ANPEP: variants seen among roughly 807,000 people sequenced by gnomAD.
ANPEP encodes the protein alanyl aminopeptidase, membrane, also known as aminopeptidase N.
Under a neutral mutation model 114.6 loss-of-function variants are expected in ANPEP, and 70 were observed. The observed-to-expected ratio is 0.61, with a 90% CI of 0.50 to 0.75. ANPEP has a LOEUF of 0.75. ANPEP is among the 30% of genes least tolerant of loss of function. The pLI is 0.00. For missense variants in ANPEP, 1,184 were observed against 1,259.5 expected (o/e 0.94, Z 0.91); for synonymous variants, 548 against 522.3 (o/e 1.05, Z -0.67).
intron 14 of ANPEP, among the ~76,000 whole-genome samples, chr15:89,798,574 T>C (rs1968772925): frequency 6.7e-6 from 1 of 148,410 alleles, no homozygotes; most frequent in Non-Finnish European, 1.5e-5. Context: ...GAGGCAGAGG[T>C]CGTAGTGAGC....
At position 89,793,136 on chromosome 15, in the gene ANPEP, A is replaced by G. The variant is rs781259156; in HGVS notation, c.2158-10T>C. ...GCTTCTTCAGGTAGTTCTGGGGAAAAGAAAATATGAATCTCATCAAAGACT... is the reference window on the plus strand; with the variant it reads ...GCTTCTTCAGGTAGTTCTGGGGAAAGGAAAATATGAATCTCATCAAAGACT... On this transcript the variant is annotated splice_polypyrimidine_tract_variant and intron_variant, in intron 15 of 20. Coordinates refer to ENST00000300060, the MANE Select transcript of ANPEP (RefSeq NM_001150.3). 6.2e-7 allele frequency: 1 copy of G among 1,609,410 alleles called. No individual in the cohort carries two copies. Among genetic ancestry groups the G allele is most frequent in the Non-Finnish European group, 8.5e-7 (1 of 1,175,820 alleles).
At position 89,785,207 on chromosome 15, in the gene ANPEP, A is replaced by G; in HGVS notation, c.*142T>C. 1 of 1,133,180 alleles carries G rather than the reference A, an allele frequency of 8.8e-7. No homozygotes were observed. Among genetic ancestry groups the G allele is most frequent in the South Asian group, 1.5e-5 (1 of 66,796 alleles). 70.2% of individuals were successfully genotyped at this position (1,133,180 alleles called of 1,614,324 possible). On this transcript the variant is annotated 3_prime_UTR_variant, in exon 21 of 21. Coordinates refer to ENST00000300060, the MANE Select transcript of ANPEP (RefSeq NM_001150.3). ...AGGAACTAGACTGGCTCACAGGCAG[A>G]GAGAACGTGGGCTGGAGACTTTGTC...
At chr15:89,795,452 G>A (rs1968710484) in intron 15 of ANPEP, among the ~76,000 whole-genome samples, 1 of 152,156 alleles carries the variant, frequency 6.6e-6, no homozygotes, top group African/African-American at 2.4e-5. Flanking sequence ...GTGAATGCCA[G>A]TCCTGATTGG....
rs754258471 is a variant in ANPEP at position 89,801,143 on chromosome 15, T to C, written c.1787A>G (p.Gln596Arg). ...ATCTATCAGCCAGTAGTCCTGCTGC[T>C]GTCTGCCATCTCTGATGGATGTGAT... ...VPITSIRDGR[Q>R]QQDYWLIDVR... Residue 596 changes from glutamine to arginine, a missense_variant, in exon 12 of 21, where the codon CAG becomes CGG. Coordinates refer to ENST00000300060, the MANE Select transcript of ANPEP (RefSeq NM_001150.3). 2 of 1,614,192 alleles carry C rather than the reference T, an allele frequency of 1.2e-6. No homozygotes were observed. The highest frequency in any genetic ancestry group is 2.2e-5 in the South Asian group (2 of 91,084).
chr15:89,792,121 G>A (rs1182978801), intron 18 of ANPEP, 39 bp downstream of exon 18: 7 of 1,590,000 alleles, frequency 4.4e-6, no homozygotes, highest in Non-Finnish European at 6.0e-6. Flanking sequence ...TCCAGGTGGG[G>A]AGAGGGCTCT....
intron 15 of ANPEP, chr15:89,797,327 G>A (rs879807063): frequency 3.0e-5 from 13 of 428,198 alleles, no homozygotes; most frequent in Admixed American, 4.3e-5. Context: ...TTTGCCCCAC[G>A]CAGCCTCCTC....
At chr15:89,811,649 TAA>T (rs754725578) in intron 1 of ANPEP, among the ~76,000 whole-genome samples, 74 of 100,382 alleles carry the variant, frequency 7.4e-4, no homozygotes, top group Middle Eastern at 5.5e-3. Flanking sequence ...CCATCTCAAG[TAA>T]AAAAAAAAAA....
chr15:89,797,657 T>A lies in ANPEP; in HGVS notation c.2075A>T (p.Tyr692Phe). ...NTLFLIEERQ[Y>F]MPWEAALSSL... is the part of the protein sequence containing the mutation. Reference sequence around the variant, plus strand: ...GCTCAGGGCGGCCTCCCAGGGCATGTACTGTCTCTCTTCAATCAGGAAGAG... The same window carrying A: ...GCTCAGGGCGGCCTCCCAGGGCATGAACTGTCTCTCTTCAATCAGGAAGAG... The change falls in exon 15 of 21, where the codon TAC (tyrosine) becomes TTC (phenylalanine). Residue 692 changes from tyrosine to phenylalanine, a missense_variant. Physicochemically the swap from Tyr to Phe is conservative, Grantham distance 22 (BLOSUM62 3). Transcript: ENST00000300060. 6.2e-7 allele frequency: 1 copy of A among 1,614,086 alleles called. No homozygotes were observed. The highest frequency in any genetic ancestry group is 8.5e-7 in the Non-Finnish European group (1 of 1,180,016).
intron 14 of ANPEP, among the ~76,000 whole-genome samples, chr15:89,798,324 G>T (rs1373490503): frequency 6.6e-6 from 1 of 152,168 alleles, no homozygotes; most frequent in Non-Finnish European, 1.5e-5. Flanking sequence ...CAGTGGCCCA[G>T]CATAGTCAGC....
intron 10 of ANPEP, among the ~76,000 whole-genome samples, 195 bp from the exon 11 acceptor site, chr15:89,801,802 G>T (rs1248594412): frequency 6.6e-6 from 1 of 152,238 alleles, no homozygotes; most frequent in Non-Finnish European, 1.5e-5. Flanking sequence ...TGCTGGACGA[G>T]CTGGAGAACT....
Position 89,806,267 on chromosome 15 carries a change from G to C in ANPEP, c.317C>G (p.Ser106Cys). ...CTTGCAGGTGAAACGGACGGTGCTG[G>C]AGCCCTTAAAAACGTACAGGCCCCT... ...NDRGLYVFKG[S>C]STVRFTCKEA... The change falls in exon 2 of 21, where the codon TCC becomes TGC. Residue 106 changes from serine to cysteine, a missense_variant. Ser to Cys is a moderately radical substitution (Grantham distance 112). Coordinates refer to ENST00000300060, the MANE Select transcript of ANPEP (RefSeq NM_001150.3). The surrounding 1 kb of genome is among the most constrained non-coding windows in gnomAD (Gnocchi z 5.7). 5.0e-6 allele frequency: 8 copies of C among 1,614,094 alleles called. No individual in the cohort carries two copies. The highest frequency in any genetic ancestry group is 5.9e-6 in the Non-Finnish European group (7 of 1,180,020).
rs1596157729 is a variant in ANPEP, at chr15:89,785,067, C to G, written c.*282G>C. 1.6e-4 allele frequency: 61 copies of G among 392,358 alleles called. 1 individual carries two copies. In the South Asian group the frequency reaches 2.1e-3, roughly 14 times the overall value. The allele number at this position is 392,358 out of a possible 1,614,324, so 24.3% of individuals were successfully genotyped here. A position where few individuals can be genotyped will look rare whatever the true frequency, so the allele number is the denominator to read the frequency against. Reference sequence around the variant, plus strand: ...AGCTTCTGCTCATCTGGCCCTGGAGCTGGGCTTCCCTGAGATCAGCCCCAG... The same window carrying G: ...AGCTTCTGCTCATCTGGCCCTGGAGGTGGGCTTCCCTGAGATCAGCCCCAG... On this transcript the variant is annotated 3_prime_UTR_variant, in exon 21 of 21. Coordinates refer to ENST00000300060, the MANE Select transcript of ANPEP (RefSeq NM_001150.3).
intron 1 of ANPEP, among the ~76,000 whole-genome samples, chr15:89,812,470 T>C (rs551520757): frequency 1.3e-5 from 2 of 152,260 alleles, no homozygotes; most frequent in African/African-American, 4.8e-5. Context: ...CCTTGGACAT[T>C]GCCCCTCCTG....
chr15:89,800,898 C>G (rs963172542), intron 12 of ANPEP, among the ~76,000 whole-genome samples: 3 of 152,166 alleles, frequency 2.0e-5, no homozygotes, highest in South Asian at 4.1e-4. Flanking sequence ...GAGTATTGCT[C>G]TTAGCCTCAT....
At chr15:89,785,882 C>G (rs949607419) in intron 20 of ANPEP, among the ~76,000 whole-genome samples, 1 of 152,008 alleles carries the variant, frequency 6.6e-6, no homozygotes, top group African/African-American at 2.4e-5. Flanking sequence ...AAAAAAAATA[C>G]TCCTACAAAT....
At chr15:89,798,612 G>A (rs930705888) in intron 14 of ANPEP, among the ~76,000 whole-genome samples, 5 of 151,864 alleles carry the variant, frequency 3.3e-5, no homozygotes, top group Admixed American at 2.6e-4. Flanking sequence ...ACTCCAGCCC[G>A]GGTGACAGAG....
At position 89,801,066 on chromosome 15, in the gene ANPEP, G is replaced by C. The variant is rs1894578542; in HGVS notation, c.1819+45C>G. 5 of 1,552,570 alleles carry C rather than the reference G, an allele frequency of 3.2e-6. No individual in the cohort carries two copies. The East Asian group carries it at 1.1e-4, about 35-fold the overall frequency. On this transcript the variant is annotated intron_variant, in intron 12 of 20. Transcript: ENST00000300060. ...CCTCAGAACATGGGCCAGGAGCTAG[G>C]AGTATGGGGTGGGGGCTGCTGCCCA... is the stretch of plus-strand genomic sequence containing the variant.
At chr15:89,785,999 CA>C (rs1182215793) in intron 20 of ANPEP, among the ~76,000 whole-genome samples, 1 of 152,088 alleles carries the variant, frequency 6.6e-6, no homozygotes, top group Non-Finnish European at 1.5e-5. Context: ...GACATGTTTG[CA>C]TACATAAAAA....
At chr15:89,789,408 C>T (rs16974181) in intron 20 of ANPEP, among the ~76,000 whole-genome samples, 1 of 152,080 alleles carries the variant, frequency 6.6e-6, no homozygotes, top group East Asian at 1.9e-4. Context: ...TTTGAATATG[C>T]CTTGGGTATA....
Sources: allele counts gnomAD v4.1 joint callset (sites outside exome capture counted in the v4.1 genomes callset), GRCh38; gene constraint gnomAD v4.1.1; non-coding constraint Gnocchi (gnomAD v3.1); transcripts MANE v1.5; gene names NCBI Gene and HGNC (gene_info 2026-07-23, HGNC 2026-07-21).